Variants in SLC44A2 observed in about 807,000 individuals in gnomAD.
The protein encoded by SLC44A2 is choline transporter-like protein 2.
A neutral mutation model predicts 90.8 loss-of-function variants in SLC44A2; 57 were observed. The ratio of observed to expected loss-of-function variants is 0.63; its 90% CI spans 0.51 to 0.78. The LOEUF (loss-of-function observed/expected upper bound fraction) is 0.78. SLC44A2 is among the 30% of genes least tolerant of loss of function. SLC44A2 has a pLI of 0.00. For missense variants in SLC44A2, 794 were observed against 919.7 expected (o/e 0.86, Z 1.77); for synonymous variants, 355 against 360.7 (o/e 0.98, Z 0.18).
At chr19:10,620,001 G>A (rs2066885077) in intron 1 of SLC44A2, among the ~76,000 whole-genome samples, 1 of 151,848 alleles carries the variant, frequency 6.6e-6, no homozygotes, top group African/African-American at 2.4e-5. Context: ...GTGAAATCCT[G>A]TCTCTACAAA....
intron 7 of SLC44A2, 43 bp downstream of exon 7, chr19:10,631,578 G>A (rs1348002452): frequency 2.5e-6 from 4 of 1,613,966 alleles, no homozygotes; most frequent in Middle Eastern, 1.6e-4. Context: ...TGACGGGGAG[G>A]CTCTGCAGAG....
chr19:10,612,347 G>T (rs576905683), intron 1 of SLC44A2, among the ~76,000 whole-genome samples: 7 of 151,452 alleles, frequency 4.6e-5, no homozygotes, highest in Non-Finnish European at 8.8e-5. Context: ...ACTTCATCCT[G>T]GGCAAAAAAG....
At chr19:10,604,063 C>T (rs982348805) in intron 1 of SLC44A2, among the ~76,000 whole-genome samples, 16 of 152,166 alleles carry the variant, frequency 1.1e-4, no homozygotes, top group Non-Finnish European at 1.9e-4. Context: ...CTTCAATCAA[C>T]AAATATTTAT....
At position 10,637,739 on chromosome 19, in the gene SLC44A2, T is replaced by C. The variant is rs1186760122; in HGVS notation, c.1687T>C (p.Tyr563His). ...CATCAAATTCCTTAATAGGAATGCC[T>C]ACATCATGGTGAGTGGGCCTGGGAC... ...KFIKFLNRNA[Y>H]IMIAIYGTNF... is the part of the protein sequence containing the mutation. Residue 563 changes from tyrosine to histidine, a missense_variant, in exon 17 of 22, where the codon TAC becomes CAC. Tyr to His is a moderately conservative substitution (Grantham distance 83). Coordinates refer to ENST00000335757, the MANE Select transcript of SLC44A2 (RefSeq NM_020428.4). 6.2e-7 allele frequency: 1 copy of C among 1,613,518 alleles called. No homozygotes were observed. The highest frequency in any genetic ancestry group is 1.7e-5 in the Admixed American group (1 of 59,994).
intron 4 of SLC44A2, among the ~76,000 whole-genome samples, chr19:10,630,520 C>T (rs1274672281): frequency 1.3e-5 from 2 of 150,756 alleles, no homozygotes; most frequent in African/African-American, 4.9e-5. Flanking sequence ...AGCTGGGCAT[C>T]GTGGCGGGCA....
chr19:10,623,120 C>T (rs1417536387), upstream of SLC44A2, among the ~76,000 whole-genome samples: 3 of 151,968 alleles, frequency 2.0e-5, no homozygotes, highest in Non-Finnish European at 1.5e-5. Context: ...GGCTCGCTCT[C>T]TTTGTCCACT....
upstream of SLC44A2, among the ~76,000 whole-genome samples, chr19:10,623,220 C>G (rs150073038): frequency 3.9e-5 from 6 of 152,204 alleles, no homozygotes; most frequent in African/African-American, 1.4e-4. Context: ...TGGGTCACCC[C>G]AGGGCATGAC....
At chr19:10,608,594 G>A (rs10418111) in intron 1 of SLC44A2, among the ~76,000 whole-genome samples, 34,063 of 151,462 alleles carry the variant, frequency 0.22, 4,390 homozygotes, top group Non-Finnish European at 0.3. Context: ...CCTGTCATGT[G>A]CAAGGAGGGC....
chr19:10,619,152 G>A (rs1238147258), intron 1 of SLC44A2, among the ~76,000 whole-genome samples: 2 of 151,222 alleles, frequency 1.3e-5, no homozygotes, highest in African/African-American at 2.4e-5. Flanking sequence ...AATTTTGGCC[G>A]GGCACAGTGG....
At chr19:10,607,801 A>C (rs1035729605) in intron 1 of SLC44A2, among the ~76,000 whole-genome samples, 1 of 146,398 alleles carries the variant, frequency 6.8e-6, no homozygotes, top group African/African-American at 2.5e-5. Context: ...GCTGGAGTGC[A>C]GTGGCGTGAT....
At chr19:10,618,466 C>T (rs1257681326) in intron 1 of SLC44A2, among the ~76,000 whole-genome samples, 27 of 131,486 alleles carry the variant, frequency 2.1e-4, no homozygotes, top group African/African-American at 7.6e-4. Flanking sequence ...TAAGCCACTG[C>T]GCCCGGCCTT....
chr19:10,608,954 C>CTTTTTTTT (rs35684067), intron 1 of SLC44A2, among the ~76,000 whole-genome samples: 2 of 111,192 alleles, frequency 1.8e-5, no homozygotes, highest in Admixed American at 1.0e-4. Context: ...CCCAGCCTAC[C>CTTTTTTTT]TTTTTTTTTT....
chr19:10,614,801 T>G (rs1198654801), intron 1 of SLC44A2, among the ~76,000 whole-genome samples: 1 of 150,588 alleles, frequency 6.6e-6, no homozygotes, highest in Non-Finnish European at 1.5e-5. Context: ...TGAAACCACG[T>G]CTCTATTAAA....
intron 1 of SLC44A2, among the ~76,000 whole-genome samples, chr19:10,619,070 A>C (rs113121751): frequency 6.8e-6 from 1 of 147,148 alleles, no homozygotes; most frequent in African/African-American, 2.5e-5. Context: ...TCCTGGGCTG[A>C]CGTGATCCTC....
At chr19:10,636,026 C>T in intron 14 of SLC44A2, 1 of 386,086 alleles carries the variant, frequency 2.6e-6, no homozygotes, top group Non-Finnish European at 4.7e-6. Flanking sequence ...ATCCACCTGC[C>T]TCTGCCTCCC....
rs114989609 is a variant in SLC44A2 at position 10,632,003 on chromosome 19, C to A, written c.711-41C>A. 3.1e-6 allele frequency: 5 copies of A among 1,612,280 alleles called. No homozygotes were observed. In the Admixed American group the frequency reaches 5.0e-5, roughly 16 times the overall value. On this transcript the variant is annotated intron_variant, in intron 9 of 21. Transcript: ENST00000335757. ...CCCTGGCTGCCCCCTCTAAGCCTGG[C>A]TGAGGGTGGAGTCTGTTCATGACCG...
intron 1 of SLC44A2, among the ~76,000 whole-genome samples, chr19:10,607,799 G>A (rs1323743978): frequency 6.8e-6 from 1 of 147,780 alleles, no homozygotes; most frequent in African/African-American, 2.5e-5. Context: ...AGGCTGGAGT[G>A]CAGTGGCGTG....
chr19:10,611,492 G>A lies in SLC44A2; in HGVS notation c.31+8931G>A, dbSNP rs560216340. ...AATAAATAAACAAACAAGAGACCCGGTGCAGTGGTTCACTCCTGTAATCCC... is the reference window on the plus strand; with the variant it reads ...AATAAATAAACAAACAAGAGACCCGATGCAGTGGTTCACTCCTGTAATCCC... On this transcript the variant is annotated intron_variant, in intron 1 of 21. Coordinates refer to the SLC44A2 transcript ENST00000407327. Among the ~76,000 whole-genome samples the A allele has an allele frequency of 9.2e-5, 14 of 151,946 alleles. No homozygotes were observed. The South Asian group carries it at 2.7e-3, about 29-fold the overall frequency.
intron 8 of SLC44A2, 45 bp from the exon 9 acceptor site, chr19:10,631,823 A>T (rs1225509503): frequency 6.2e-7 from 1 of 1,614,130 alleles, no homozygotes. Flanking sequence ...GGTTGGCCTG[A>T]TCATGGAAGA....
Sources: allele counts gnomAD v4.1 joint callset (sites outside exome capture counted in the v4.1 genomes callset), GRCh38; gene constraint gnomAD v4.1.1; transcripts MANE v1.5; gene names NCBI Gene and HGNC (gene_info 2026-07-23, HGNC 2026-07-21).